The following ATXN2 variants were observed in gnomAD, a reference collection of about 807,000 sequenced individuals.
ATXN2 encodes the protein ataxin-2.
Under a neutral mutation model 138.6 loss-of-function variants are expected in ATXN2, and 37 were observed. The ratio of observed to expected loss-of-function variants is 0.27; its 90% confidence interval spans 0.21 to 0.35. The LOEUF (loss-of-function observed/expected upper bound fraction) is 0.35. Ranked by LOEUF, ATXN2 falls within the 10% of genes least tolerant of loss-of-function variation. The probability of loss-of-function intolerance (pLI) is 1.00; values close to 1 mark genes in which losing one functional copy is unlikely to be tolerated. For synonymous variants in ATXN2, 549 were observed against 543.7 expected (o/e 1.01, Z -0.13); for missense variants, 1,216 against 1,480.3 (o/e 0.82, Z 2.93).
At chr12:111,528,416 C>A (rs1295807990) in intron 5 of ATXN2, among the ~76,000 whole-genome samples, 3 of 152,098 alleles carry the variant, frequency 2.0e-5, no homozygotes, top group Non-Finnish European at 2.9e-5. Context: ...CAAGTAAGAG[C>A]CAGTGTGGAA....
intron 14 of ATXN2, among the ~76,000 whole-genome samples, chr12:111,499,033 A>AC (rs1338916790): frequency 2.6e-5 from 4 of 152,136 alleles, no homozygotes; most frequent in Non-Finnish European, 5.9e-5. Flanking sequence ...GTCCCACCAT[A>AC]TTAAAAAAAA....
chr12:111,492,272 C>T (rs1256826887), intron 14 of ATXN2, among the ~76,000 whole-genome samples: 1 of 152,212 alleles, frequency 6.6e-6, no homozygotes, highest in East Asian at 1.9e-4. Context: ...AAGGTGATAC[C>T]TCTACAGAGT....
At chr12:111,480,081 A>G (rs1877120861) in intron 18 of ATXN2, among the ~76,000 whole-genome samples, 2 of 151,928 alleles carry the variant, frequency 1.3e-5, no homozygotes, top group South Asian at 2.1e-4. Context: ...ATAGTAAAAG[A>G]AGGCAGATTA....
intron 14 of ATXN2, among the ~76,000 whole-genome samples, chr12:111,504,570 G>A (rs887179419): frequency 2.6e-5 from 4 of 152,114 alleles, no homozygotes; most frequent in South Asian, 4.1e-4. Context: ...GATTACAGGC[G>A]TTGAGAGCCA....
At chr12:111,576,261 T>A (rs1883642238) in intron 1 of ATXN2, among the ~76,000 whole-genome samples, 1 of 151,986 alleles carries the variant, frequency 6.6e-6, no homozygotes. Flanking sequence ...CTGACCAACA[T>A]GGTGAAACCC....
At chr12:111,573,301 T>G (rs1883446409) in intron 1 of ATXN2, among the ~76,000 whole-genome samples, 1 of 152,202 alleles carries the variant, frequency 6.6e-6, no homozygotes, top group African/African-American at 2.4e-5. Flanking sequence ...CAAGCGATTC[T>G]CCTTGCCTCA....
At chr12:111,530,151 G>A (rs1399036072) in intron 5 of ATXN2, among the ~76,000 whole-genome samples, 1 of 152,146 alleles carries the variant, frequency 6.6e-6, no homozygotes, top group Non-Finnish European at 1.5e-5. Flanking sequence ...TAAAGTATCA[G>A]TATATAGATT....
intron 1 of ATXN2, among the ~76,000 whole-genome samples, chr12:111,596,618 A>C (rs1443597703): frequency 6.6e-6 from 1 of 152,226 alleles, no homozygotes; most frequent in Non-Finnish European, 1.5e-5. Flanking sequence ...TAATTCTACA[A>C]GTACATTAAC....
intron 5 of ATXN2, among the ~76,000 whole-genome samples, chr12:111,531,442 A>G (rs980136080): frequency 5.3e-5 from 8 of 152,212 alleles, no homozygotes; most frequent in Non-Finnish European, 1.2e-4. Context: ...AAATAAATAA[A>G]TAAAAAATAT....
At chr12:111,565,886 C>A (rs918339094) in intron 1 of ATXN2, among the ~76,000 whole-genome samples, 7 of 151,828 alleles carry the variant, frequency 4.6e-5, no homozygotes, top group Admixed American at 1.3e-4. Context: ...ATCCCAGCTA[C>A]TCAGTAAGCT....
intron 1 of ATXN2, among the ~76,000 whole-genome samples, chr12:111,566,115 A>G (rs1391369225): frequency 6.6e-6 from 1 of 152,156 alleles, no homozygotes; most frequent in Non-Finnish European, 1.5e-5. Context: ...ATCAAGGGAT[A>G]ATTTTGACGT....
At chr12:111,563,910 A>G (rs977609087) in intron 1 of ATXN2, among the ~76,000 whole-genome samples, 2 of 152,084 alleles carry the variant, frequency 1.3e-5, no homozygotes. Flanking sequence ...TCCAGTTTAG[A>G]TCTGTATTAT....
chr12:111,532,643 T>G (rs1249982421), intron 5 of ATXN2, among the ~76,000 whole-genome samples: 1 of 151,932 alleles, frequency 6.6e-6, no homozygotes, highest in Non-Finnish European at 1.5e-5. Flanking sequence ...CACTTGAAGG[T>G]TAGTGTAAAT....
In ATXN2 at chr12:111,545,137, C is replaced by T. The variant is rs568003211; in HGVS notation, c.571+7143G>A. Reference sequence around the variant, plus strand: ...TAGTGCCACTGCACTCCAGCCTGGGCAAGAGCGAGACTCTGTCTCAAAAAC... The same window carrying T: ...TAGTGCCACTGCACTCCAGCCTGGGTAAGAGCGAGACTCTGTCTCAAAAAC... On this transcript the variant is annotated intron_variant, in intron 5 of 24. Transcript: ENST00000673436. Among the ~76,000 whole-genome samples the T allele has an allele frequency of 2.6e-5, 4 of 151,834 alleles. No homozygotes were observed. The East Asian group carries it at 7.8e-4, about 30-fold the overall frequency.
chr12:111,462,423 G>C (rs1278282177), intron 21 of ATXN2, among the ~76,000 whole-genome samples: 1 of 152,200 alleles, frequency 6.6e-6, no homozygotes, highest in Non-Finnish European at 1.5e-5. Context: ...GGATGCACAA[G>C]TCATAAGAGA....
At chr12:111,546,225 TTC>T (rs1951360046) in intron 5 of ATXN2, among the ~76,000 whole-genome samples, 1 of 152,232 alleles carries the variant, frequency 6.6e-6, no homozygotes. Flanking sequence ...ACAGAGCACA[TTC>T]TGTTACTTCA....
At chr12:111,522,653 C>CT (rs917981191) in intron 6 of ATXN2, among the ~76,000 whole-genome samples, 1 of 152,048 alleles carries the variant, frequency 6.6e-6, no homozygotes, top group African/African-American at 2.4e-5. Context: ...TGGCTCATGC[C>CT]TGTAATCCCA....
chr12:111,471,817 G>A (rs1223124373), intron 18 of ATXN2: 5 of 151,868 alleles, frequency 3.3e-5, no homozygotes, highest in South Asian at 2.1e-4. Context: ...AAGTTTGCCC[G>A]ATTATGCTAA....
At chr12:111,496,756 T>C (rs1291302773) in intron 14 of ATXN2, among the ~76,000 whole-genome samples, 1 of 151,930 alleles carries the variant, frequency 6.6e-6, no homozygotes, top group African/African-American at 2.4e-5. Context: ...AAGAGGAATG[T>C]TTACAGCAGT....
Sources: gnomAD v4.1 joint callset for allele counts (sites outside exome capture counted in the v4.1 genomes callset) on GRCh38, gnomAD v4.1.1 for gene constraint, MANE v1.5 for transcripts, NCBI Gene and HGNC (gene_info 2026-07-23, HGNC 2026-07-21) for gene names.